Variants in CPA6 observed in about 807,000 individuals in gnomAD.
The protein encoded by CPA6 is carboxypeptidase B.
In CPA6, 58 loss-of-function variants were observed where a neutral mutation model predicts 63.3. The observed-to-expected ratio is 0.92, with a 90% CI of 0.74 to 1.14. The LOEUF is 1.14. CPA6 is among the 50% of genes most tolerant of loss of function. CPA6 has a pLI of 0.00. For synonymous variants in CPA6, 185 were observed against 179.0 expected (o/e 1.03, Z -0.27); for missense variants, 565 against 526.6 (o/e 1.07, Z -0.71).
chr8:67,424,332 G>C (rs2128950619), intron 10 of CPA6, among the ~76,000 whole-genome samples: 1 of 152,210 alleles, frequency 6.6e-6, no homozygotes, highest in South Asian at 2.1e-4. Flanking sequence ...TGGAATAACT[G>C]TCTTCCATGA....
chr8:67,523,169 T>C (rs1812294907), intron 2 of CPA6, among the ~76,000 whole-genome samples: 1 of 152,214 alleles, frequency 6.6e-6, no homozygotes, highest in African/African-American at 2.4e-5. Flanking sequence ...TAAATGGGAC[T>C]ATAAATAGCA....
intron 1 of CPA6, among the ~76,000 whole-genome samples, chr8:67,648,568 G>A (rs1456970677): frequency 2.0e-5 from 3 of 152,136 alleles, no homozygotes; most frequent in Non-Finnish European, 2.9e-5. Context: ...AGAAGGAAGA[G>A]GTTGGAATAG....
At chr8:67,745,021 CACTT>C (rs559948843) in intron 1 of CPA6, among the ~76,000 whole-genome samples, 69 of 152,296 alleles carry the variant, frequency 4.5e-4, no homozygotes, top group African/African-American at 1.6e-3. Flanking sequence ...TCCAGGGTCA[CACTT>C]ACAAATTCTC....
At chr8:67,675,117 A>T (rs1816440911) in intron 1 of CPA6, among the ~76,000 whole-genome samples, 1 of 152,082 alleles carries the variant, frequency 6.6e-6, no homozygotes, top group African/African-American at 2.4e-5. Flanking sequence ...CAAACTTCAA[A>T]CTTCAGCATC....
chr8:67,497,497 G>C (rs1811744842), intron 6 of CPA6, among the ~76,000 whole-genome samples: 1 of 152,240 alleles, frequency 6.6e-6, no homozygotes, highest in Non-Finnish European at 1.5e-5. Context: ...CTATTCATCA[G>C]TTGATGGCCA....
intron 2 of CPA6, chr8:67,569,610 C>A (rs1813432731): frequency 4.5e-6 from 2 of 440,384 alleles, no homozygotes; most frequent in Admixed American, 2.5e-5. Flanking sequence ...AAGAACCAGT[C>A]AATAATGCAA....
At chr8:67,653,926 A>G (rs1365151217) in intron 1 of CPA6, among the ~76,000 whole-genome samples, 2 of 151,354 alleles carry the variant, frequency 1.3e-5, no homozygotes, top group African/African-American at 4.9e-5. Flanking sequence ...ATCAATACCT[A>G]ATTTATTGAG....
chr8:67,497,277 C>T (rs1293306436), intron 6 of CPA6, among the ~76,000 whole-genome samples: 14 of 152,158 alleles, frequency 9.2e-5, no homozygotes, highest in African/African-American at 3.4e-4. Context: ...ACTCCATCCC[C>T]TTGCAACTAC....
rs567204841 is a variant in CPA6, at chr8:67,470,986, CAA to C, written c.838+12780_838+12781del. ...AGCAAGGTCATGTTGTTCCTTGGTT[CAA>C]AACTCTCCAGCGCTTTCCCAACCTA... On this transcript the variant is annotated intron_variant, in intron 8 of 10. Transcript: ENST00000297770. 4.6e-5 allele frequency among the ~76,000 whole-genome samples: 7 copies of C among 152,266 alleles called. No homozygotes were observed. The East Asian group carries it at 1.4e-3, about 29-fold the overall frequency.
intron 8 of CPA6, among the ~76,000 whole-genome samples, chr8:67,477,299 A>AG: frequency 6.6e-6 from 1 of 151,374 alleles, no homozygotes; most frequent in East Asian, 1.9e-4. Flanking sequence ...CAAAAAAAAA[A>AG]AAAAAAAAAA....
At chr8:67,702,712 A>G (rs1245810759) in intron 1 of CPA6, among the ~76,000 whole-genome samples, 1 of 152,186 alleles carries the variant, frequency 6.6e-6, no homozygotes, top group African/African-American at 2.4e-5. Flanking sequence ...GTAGAATACA[A>G]CTTCAGTAAC....
chr8:67,690,629 C>T (rs1816796286), intron 1 of CPA6, among the ~76,000 whole-genome samples: 1 of 151,974 alleles, frequency 6.6e-6, no homozygotes, highest in Non-Finnish European at 1.5e-5. Flanking sequence ...CTACATCAAC[C>T]AGAGAAGCTG....
intron 9 of CPA6, among the ~76,000 whole-genome samples, chr8:67,430,464 T>C (rs1402539955): frequency 3.3e-5 from 5 of 152,158 alleles, no homozygotes; most frequent in African/African-American, 1.2e-4. Flanking sequence ...TATATTTTTA[T>C]TTAAATATTT....
Position 67,663,580 on chromosome 8 carries a change from T to C in CPA6, c.117-39329A>G, listed in dbSNP as rs111768340. On this transcript the variant is annotated intron_variant, in intron 1 of 10. Transcript: ENST00000297770. ...TTGTTCCCTTCCCTGTGTCCATGTG[T>C]TCTCATTGGTCAGCTCCCACTTATA... Among the ~76,000 whole-genome samples the C allele has an allele frequency of 4.3e-3, 649 of 152,140 alleles. 6 individuals carry two copies. Among genetic ancestry groups the C allele is most frequent in the African/African-American group, 0.013 (548 of 41,494 alleles).
chr8:67,629,201 C>T (rs1290054558), intron 1 of CPA6, among the ~76,000 whole-genome samples: 2 of 152,028 alleles, frequency 1.3e-5, no homozygotes, highest in Non-Finnish European at 2.9e-5. Context: ...GGTGTGGTGA[C>T]TCATACCTGC....
chr8:67,481,143 G>A (rs1033694768), intron 8 of CPA6, among the ~76,000 whole-genome samples: 1 of 152,186 alleles, frequency 6.6e-6, no homozygotes, highest in Non-Finnish European at 1.5e-5. Flanking sequence ...GGCAACACTT[G>A]AATTATTCAG....
chr8:67,541,088 G>GA (rs920020922), intron 2 of CPA6, among the ~76,000 whole-genome samples: 165 of 146,224 alleles, frequency 1.1e-3, no homozygotes, highest in African/African-American at 1.3e-3. Flanking sequence ...CACTGGGTAC[G>GA]AAAAAAAAAA....
chr8:67,636,600 T>A (rs6472326), intron 1 of CPA6, among the ~76,000 whole-genome samples: 1 of 151,074 alleles, frequency 6.6e-6, no homozygotes, highest in Non-Finnish European at 1.5e-5. Flanking sequence ...CTTAAAAAAC[T>A]GTGTGTTTTC....
intron 1 of CPA6, among the ~76,000 whole-genome samples, chr8:67,695,480 C>T (rs936508076): frequency 1.3e-5 from 2 of 152,170 alleles, no homozygotes; most frequent in East Asian, 1.9e-4. Flanking sequence ...GATATAAATT[C>T]GCCTTCTGTG....
Sources: allele counts gnomAD v4.1 joint callset (sites outside exome capture counted in the v4.1 genomes callset), GRCh38; gene constraint gnomAD v4.1.1; transcripts MANE v1.5; gene names NCBI Gene and HGNC (gene_info 2026-07-23, HGNC 2026-07-21).